RECK: variants seen among roughly 807,000 people sequenced by gnomAD.
RECK encodes reversion-inducing cysteine-rich protein with Kazal motifs.
In RECK, 69 loss-of-function variants were observed where a neutral mutation model predicts 115.1. The ratio of observed to expected loss-of-function variants is 0.60; its 90% CI spans 0.49 to 0.73. The LOEUF (loss-of-function observed/expected upper bound fraction) is 0.73, where lower values mean the gene tolerates loss of function less well. RECK is among the 30% of genes least tolerant of loss of function. The pLI is 0.00. For synonymous variants in RECK, 414 were observed against 419.7 expected, an observed-to-expected ratio of 0.99 and a Z score of 0.17; for missense variants, 1,047 against 1,203.7, an observed-to-expected ratio of 0.87 and a Z score of 1.93.
intron 1 of RECK, among the ~76,000 whole-genome samples, chr9:36,044,547 A>G (rs1048313330): frequency 7.9e-5 from 12 of 152,188 alleles, no homozygotes; most frequent in African/African-American, 2.2e-4. Flanking sequence ...TGAGCTGAGC[A>G]CTGTGCTAAT....
At chr9:36,082,682 C>A (rs974660287) in intron 7 of RECK, among the ~76,000 whole-genome samples, 4 of 152,136 alleles carry the variant, frequency 2.6e-5, no homozygotes, top group East Asian at 3.8e-4. Flanking sequence ...AATGAGTTTT[C>A]TTTTCAGTGT....
Position 36,121,665 on chromosome 9 carries a change from G to C in RECK, c.2671G>C (p.Asp891His). The part of the protein sequence containing the change: ...SEIVILIIPV[D>H]HYPKALQIEA... ...AATTGTGATCCTGATCATTCCCGTCGATCACTATCCAAAAGCTCTGCAGGT... is the reference window on the plus strand; with the variant it reads ...AATTGTGATCCTGATCATTCCCGTCCATCACTATCCAAAAGCTCTGCAGGT... The change falls in exon 20 of 21, where the codon GAT becomes CAT. Residue 891 changes from aspartate (D) to histidine (H), a missense_variant. Asp to His is a moderately conservative substitution (Grantham distance 81). Coordinates refer to ENST00000377966, the MANE Select transcript of RECK (RefSeq NM_021111.3). 6.2e-7 allele frequency: 1 copy of C among 1,614,032 alleles called. No homozygotes were observed. Among genetic ancestry groups the C allele is most frequent in the South Asian group, 1.1e-5 (1 of 91,048 alleles).
chr9:36,105,664 A>G (rs1306620787), intron 13 of RECK, among the ~76,000 whole-genome samples: 1 of 152,162 alleles, frequency 6.6e-6, no homozygotes, highest in Non-Finnish European at 1.5e-5. Context: ...AAAATACTCT[A>G]CATTGTTCAT....
At position 36,058,819 on chromosome 9, in the gene RECK, T is replaced by G. The variant is rs71521299; in HGVS notation, c.160-8T>G. 0.013 allele frequency: 19,789 copies of G among 1,578,842 alleles called. 143 individuals are homozygous for G. Among genetic ancestry groups the G allele is most frequent in the Non-Finnish European group, 0.015 (17,931 of 1,163,118 alleles). On this transcript the variant is annotated splice_polypyrimidine_tract_variant and splice_region_variant and intron_variant, in intron 2 of 20. Transcript: ENST00000377966. ...TGCCACAAAAACTTTTTTTTTTTTG[T>G]CAAATAGATTTTCTCCTCAAAAAGT...
intron 6 of RECK, among the ~76,000 whole-genome samples, chr9:36,068,644 G>A (rs572734147): frequency 2.6e-5 from 4 of 152,300 alleles, no homozygotes; most frequent in South Asian, 4.1e-4. Flanking sequence ...GTAGCTTCAC[G>A]AGGCTCAGAA....
At chr9:36,065,481 C>T (rs375135780) in intron 5 of RECK, 96 bp from the exon 6 acceptor site, 2 of 835,598 alleles carry the variant, frequency 2.4e-6, no homozygotes, top group African/African-American at 1.8e-5. Flanking sequence ...ATAAAGGATA[C>T]TATATCAGTA....
chr9:36,060,996 C>T (rs1203588036), intron 4 of RECK, among the ~76,000 whole-genome samples: 1 of 152,198 alleles, frequency 6.6e-6, no homozygotes. Context: ...TGCAAAATTA[C>T]ACCTGTCCTG....
At chr9:36,120,421 C>T (rs1043890282) in intron 18 of RECK, among the ~76,000 whole-genome samples, 1 of 152,064 alleles carries the variant, frequency 6.6e-6, no homozygotes, top group Non-Finnish European at 1.5e-5. Context: ...ATGCTATCTG[C>T]ACCACAGCCT....
intron 15 of RECK, among the ~76,000 whole-genome samples, chr9:36,111,981 G>T (rs1824064012): frequency 6.6e-6 from 1 of 151,528 alleles, no homozygotes; most frequent in African/African-American, 2.4e-5. Flanking sequence ...AAATTAGCTG[G>T]GCGTGGTGGC....
At chr9:36,116,833 C>G in intron 16 of RECK, 152 bp from the exon 17 acceptor site, 1 of 551,396 alleles carries the variant, frequency 1.8e-6, no homozygotes, top group South Asian at 3.1e-5. Context: ...ACAGGCTTGA[C>G]TCTCCCACTC....
chr9:36,086,050 CCAAA>C (rs1471203088), intron 8 of RECK: 1 of 152,076 alleles, frequency 6.6e-6, no homozygotes, highest in Non-Finnish European at 1.5e-5. Flanking sequence ...AAAGAAGGCG[CCAAA>C]CAGATATGCA....
intron 8 of RECK, chr9:36,085,849 G>C (rs1480789989): frequency 1.3e-5 from 2 of 152,104 alleles, no homozygotes; most frequent in Non-Finnish European, 2.9e-5. Flanking sequence ...GTAGCTGTGT[G>C]GTCAAAATCA....
intron 1 of RECK, among the ~76,000 whole-genome samples, chr9:36,038,081 G>A (rs1266769653): frequency 6.6e-6 from 1 of 151,454 alleles, no homozygotes; most frequent in East Asian, 1.9e-4. Flanking sequence ...GGGAGGTGGA[G>A]GCGGGCGGAT....
At chr9:36,112,768 G>T (rs1824109678) in intron 16 of RECK, among the ~76,000 whole-genome samples, 1 of 152,214 alleles carries the variant, frequency 6.6e-6, no homozygotes, top group South Asian at 2.1e-4. Context: ...GGCAAGGTTT[G>T]CAGTAGAGAA....
At chr9:36,058,655 TAATTAATAAATA>T (rs1193872070) in intron 2 of RECK, among the ~76,000 whole-genome samples, 160 bp from the exon 3 acceptor site, 1 of 148,542 alleles carries the variant, frequency 6.7e-6, no homozygotes, top group African/African-American at 2.5e-5. Context: ...AGTATAATAA[TAATTAATAAATA>T]AATAAATAAA....
chr9:36,100,764 G>T (rs965661038), intron 11 of RECK, among the ~76,000 whole-genome samples: 2 of 152,068 alleles, frequency 1.3e-5, no homozygotes, highest in Non-Finnish European at 2.9e-5. Context: ...AGACATTCCT[G>T]TAGTCTTCCC....
intron 8 of RECK, among the ~76,000 whole-genome samples, chr9:36,086,776 A>G (rs1171482862): frequency 6.6e-6 from 1 of 152,130 alleles, no homozygotes; most frequent in Non-Finnish European, 1.5e-5. Flanking sequence ...ACCTCTCAAT[A>G]TGGTGTTTGT....
At position 36,058,816 on chromosome 9, in the gene RECK, T is replaced by C; in HGVS notation, c.160-11T>C. ...AAATGCCACAAAAACTTTTTTTTTTTTGTCAAATAGATTTTCTCCTCAAAA... is the reference window on the plus strand; with the variant it reads ...AAATGCCACAAAAACTTTTTTTTTTCTGTCAAATAGATTTTCTCCTCAAAA... On this transcript the variant is annotated splice_polypyrimidine_tract_variant and intron_variant, in intron 2 of 20. Coordinates refer to ENST00000377966, the MANE Select transcript of RECK (RefSeq NM_021111.3). 6.3e-7 allele frequency: 1 copy of C among 1,584,302 alleles called. No homozygotes were observed. The highest frequency in any genetic ancestry group is 1.2e-5 in the South Asian group (1 of 86,392).
chr9:36,074,800 T>C (rs1822383782), intron 6 of RECK, among the ~76,000 whole-genome samples: 1 of 152,228 alleles, frequency 6.6e-6, no homozygotes, highest in South Asian at 2.1e-4. Flanking sequence ...GTACTATCTA[T>C]TATCCCAATA....
Sources: allele counts gnomAD v4.1 joint callset (sites outside exome capture counted in the v4.1 genomes callset), GRCh38; gene constraint gnomAD v4.1.1; transcripts MANE v1.5; gene names NCBI Gene and HGNC (gene_info 2026-07-23, HGNC 2026-07-21).